Variants in CPS1 observed in about 807,000 individuals in gnomAD.
The protein encoded by CPS1 is carbamoyl-phosphate synthase [ammonia], mitochondrial.
A neutral mutation model predicts 174.6 loss-of-function variants in CPS1; 109 were observed. That is an observed-to-expected ratio of 0.62 (90% CI 0.53 to 0.73). The LOEUF is 0.73. Ranked by LOEUF, CPS1 falls within the 30% of genes least tolerant of loss-of-function variation. CPS1 has a pLI of 0.00. For synonymous variants in CPS1, 637 were observed against 632.0 expected (o/e 1.01, Z -0.12); for missense variants, 1,689 against 1,821.9 (o/e 0.93, Z 1.33).
At chr2:210,502,888 A>T (rs960492056) in intron 1 of CPS1, among the ~76,000 whole-genome samples, 17 of 152,196 alleles carry the variant, frequency 1.1e-4, no homozygotes, top group Non-Finnish European at 2.1e-4. Flanking sequence ...GTGTTTCTCA[A>T]GGCTTGATTC....
At chr2:210,620,769 A>C (rs1040304934) in intron 21 of CPS1, among the ~76,000 whole-genome samples, 2 of 152,074 alleles carry the variant, frequency 1.3e-5, no homozygotes, top group African/African-American at 4.8e-5. Context: ...TACATCATTC[A>C]TGAGAAATCT....
chr2:210,619,022 TTGG>T (rs911305099), intron 21 of CPS1: 1 of 152,124 alleles, frequency 6.6e-6, no homozygotes, highest in Non-Finnish European at 1.5e-5. Flanking sequence ...AGCGATTTAT[TTGG>T]TGTGCGTTCA....
At chr2:210,532,762 G>GTT (rs1189767996) in intron 1 of CPS1, among the ~76,000 whole-genome samples, 2 of 152,128 alleles carry the variant, frequency 1.3e-5, no homozygotes, top group African/African-American at 4.8e-5. Context: ...CAATAAAACA[G>GTT]TTCCTATTCA....
At chr2:210,605,715 A>C (rs555571338) in intron 17 of CPS1, among the ~76,000 whole-genome samples, 1 of 151,958 alleles carries the variant, frequency 6.6e-6, no homozygotes, top group African/African-American at 2.4e-5. Context: ...AGAGCTGTCA[A>C]AAAAGGGAGT....
At chr2:210,571,403 G>T (rs900600767) in intron 1 of CPS1, among the ~76,000 whole-genome samples, 1 of 151,804 alleles carries the variant, frequency 6.6e-6, no homozygotes, top group African/African-American at 2.4e-5. Flanking sequence ...GTACAGTAGA[G>T]TACATTGTTC....
intron 34 of CPS1, among the ~76,000 whole-genome samples, chr2:210,668,678 T>A (rs1701187957): frequency 6.6e-6 from 1 of 152,178 alleles, no homozygotes; most frequent in East Asian, 1.9e-4. Flanking sequence ...TCTCTTGATA[T>A]TTCTCTGTCT....
Position 210,654,080 on chromosome 2 carries a change from A to C in CPS1, c.3536A>C (p.Asp1179Ala), listed in dbSNP as rs1437722789. 1 of 1,614,002 alleles carries C rather than the reference A, an allele frequency of 6.2e-7. No homozygotes were observed. Among genetic ancestry groups the C allele is most frequent in the Non-Finnish European group, 8.5e-7 (1 of 1,179,870 alleles). ...FVEGAREVEM[D>A]AVGKDGRVIS... ...GAAGGGGCCCGAGAAGTAGAAATGG[A>C]CGCTGTTGGCAAAGATGGAAGGGTA... The change falls in exon 29 of 38, where the codon GAC (aspartate) becomes GCC (alanine). Residue 1179 changes from aspartate to alanine, a missense_variant. By Grantham distance (126) the Asp-to-Ala change is moderately radical. Coordinates refer to ENST00000233072, the MANE Select transcript of CPS1 (RefSeq NM_001875.5).
chr2:210,535,295 T>G (rs1696216184), intron 1 of CPS1, among the ~76,000 whole-genome samples: 1 of 152,172 alleles, frequency 6.6e-6, no homozygotes, highest in African/African-American at 2.4e-5. Flanking sequence ...CTGGCTATGC[T>G]TTGAGAGCAG....
Position 210,678,925 on chromosome 2 carries a change from G to A in CPS1, c.*940G>A, listed in dbSNP as rs1349973600. Reference sequence around the variant, plus strand: ...TCATTCCCTTAAGACGATGGATTCTGTTGAACTATGGGGTCCCACACTGCA... The same window carrying A: ...TCATTCCCTTAAGACGATGGATTCTATTGAACTATGGGGTCCCACACTGCA... On this transcript the variant is annotated 3_prime_UTR_variant, in exon 38 of 38. Transcript: ENST00000233072. 1 of 152,154 alleles carries A rather than the reference G, an allele frequency of 6.6e-6. No individual in the cohort carries two copies. The highest frequency in any genetic ancestry group is 1.5e-5 in the Non-Finnish European group (1 of 68,030). The allele number at this position is 152,154 out of a possible 1,614,324, so 9.4% of individuals were successfully genotyped here.
chr2:210,570,560 G>A (rs1697441363), intron 1 of CPS1, among the ~76,000 whole-genome samples: 1 of 151,886 alleles, frequency 6.6e-6, no homozygotes, highest in Non-Finnish European at 1.5e-5. Context: ...TTTTAAGCAA[G>A]CATGTCTCAG....
chr2:210,652,696 G>T (rs1004192105), intron 28 of CPS1, among the ~76,000 whole-genome samples: 3 of 152,132 alleles, frequency 2.0e-5, no homozygotes, highest in African/African-American at 4.8e-5. Flanking sequence ...GAATCCAAGT[G>T]GATATGATTT....
At chr2:210,520,962 A>G (rs1012618439) in intron 1 of CPS1, among the ~76,000 whole-genome samples, 1 of 152,044 alleles carries the variant, frequency 6.6e-6, no homozygotes, top group Non-Finnish European at 1.5e-5. Flanking sequence ...TTGGGGGAAA[A>G]AGGGGATCCA....
rs146968493 is a variant in CPS1, at chr2:210,654,067, G to C, written c.3523G>C (p.Glu1175Gln). The C allele has an allele frequency of 1.4e-5, 22 of 1,614,084 alleles. No homozygotes were observed. The highest frequency in any genetic ancestry group is 1.8e-5 in the Non-Finnish European group (21 of 1,179,910). The change falls in exon 29 of 38, where the codon GAA (glutamate) becomes CAA (glutamine). Residue 1175 changes from glutamate (E) to glutamine (Q), a missense_variant. Physicochemically the swap from Glu to Gln is conservative, Grantham distance 29. Coordinates refer to ENST00000233072, the MANE Select transcript of CPS1 (RefSeq NM_001875.5). ...VLTKFVEGAR[E>Q]VEMDAVGKDG... Reference sequence around the variant, plus strand: ...GACAAAATTTGTTGAAGGGGCCCGAGAAGTAGAAATGGACGCTGTTGGCAA... The same window carrying C: ...GACAAAATTTGTTGAAGGGGCCCGACAAGTAGAAATGGACGCTGTTGGCAA...
Position 210,648,074 on chromosome 2 carries a change from G to A in CPS1, c.3336+17G>A. ...AATACTTTGGTAAGGAGAGAAACAA[G>A]TATCTGTTTCTAATGTTCTATTTTG... On this transcript the variant is annotated intron_variant, in intron 26 of 37. Transcript: ENST00000233072. The A allele has an allele frequency of 6.2e-7, 1 of 1,607,220 alleles. No homozygotes were observed. The highest frequency in any genetic ancestry group is 8.5e-7 in the Non-Finnish European group (1 of 1,173,904).
At chr2:210,637,616 C>A (rs1162543839) in intron 21 of CPS1, 86 bp from the exon 22 acceptor site, 3 of 1,352,452 alleles carry the variant, frequency 2.2e-6, no homozygotes, top group East Asian at 4.6e-5. Context: ...AAATAAGAAG[C>A]CCTTGGTGTT....
intron 18 of CPS1, among the ~76,000 whole-genome samples, chr2:210,607,503 CTAA>C (rs1380280886): frequency 1.3e-5 from 2 of 151,906 alleles, no homozygotes; most frequent in African/African-American, 2.4e-5. Context: ...CCTTTGGTTT[CTAA>C]TAATATATTT....
chr2:210,567,804 A>G (rs144357058), intron 1 of CPS1, among the ~76,000 whole-genome samples: 7 of 152,278 alleles, frequency 4.6e-5, no homozygotes, highest in Non-Finnish European at 7.4e-5. Context: ...TTCATCTTCT[A>G]TCTTTTAGCA....
intron 14 of CPS1, 112 bp from the exon 15 acceptor site, chr2:210,600,443 A>T (rs1400297995): frequency 2.0e-6 from 2 of 1,020,524 alleles, no homozygotes; most frequent in Non-Finnish European, 3.0e-6. Context: ...TATTGTAGAC[A>T]GTGGTAACTT....
At position 210,491,307 on chromosome 2, in the gene CPS1, G is replaced by GTTTTTTTTTTTTTTTTTTTTTTT. The variant is rs66825517; in HGVS notation, c.3+13550_3+13572dup. Among the ~76,000 whole-genome samples, 2 of 50,342 alleles carry GTTTTTTTTTTTTTTTTTTTTTTT rather than the reference G, an allele frequency of 4.0e-5. 1 individual carries two copies. The highest frequency in any genetic ancestry group is 2.0e-4 in the African/African-American group (2 of 9,960). The allele number at this position is 50,342 out of a possible 152,430, so 33.0% of individuals were successfully genotyped here. ...GTAAAAGCATGTATTTGGTATCTGT[G>GTTTTTTTTTTTTTTTTTTTTTTT]TTTTTTTTTTTTTTTTTTTTTTTTT... is the stretch of plus-strand genomic sequence containing the variant. On this transcript the variant is annotated intron_variant, in intron 1 of 38. Coordinates refer to the CPS1 transcript ENST00000430249.
Sources: allele counts gnomAD v4.1 joint callset (sites outside exome capture counted in the v4.1 genomes callset), GRCh38; gene constraint gnomAD v4.1.1; transcripts MANE v1.5; gene names NCBI Gene and HGNC (gene_info 2026-07-23, HGNC 2026-07-21).